The following DNM3 variants were observed in gnomAD, a reference collection of about 807,000 sequenced individuals.
The protein encoded by DNM3 is dynamin-3.
In DNM3, 47 loss-of-function variants were observed where a neutral mutation model predicts 101.6. That is an observed-to-expected ratio of 0.46 (90% CI 0.37 to 0.59). The LOEUF is 0.59. DNM3 is among the 20% of genes least tolerant of loss of function. The probability of loss-of-function intolerance (pLI) is 0.00; values close to 1 mark genes in which losing one functional copy is unlikely to be tolerated. For synonymous variants in DNM3, 385 were observed against 387.9 expected, an observed-to-expected ratio of 0.99 and a Z score of 0.09; for missense variants, 849 against 1,085.7, an observed-to-expected ratio of 0.78 and a Z score of 3.06.
chr1:171,960,095 G>A (rs1048178709), intron 2 of DNM3, among the ~76,000 whole-genome samples: 5 of 152,128 alleles, frequency 3.3e-5, no homozygotes, highest in African/African-American at 1.2e-4. Flanking sequence ...ATTAGGATGG[G>A]TTCAAATCCA....
At chr1:172,215,804 G>A (rs1406185944) in intron 14 of DNM3, among the ~76,000 whole-genome samples, 1 of 151,952 alleles carries the variant, frequency 6.6e-6, no homozygotes, top group East Asian at 1.9e-4. Flanking sequence ...CAGAAACCTA[G>A]CTGTTGAACC....
intron 12 of DNM3, among the ~76,000 whole-genome samples, chr1:172,090,276 C>T (rs527350972): frequency 6.6e-6 from 1 of 152,060 alleles, no homozygotes. Flanking sequence ...CTCATGCATT[C>T]CTGGAAGAGC....
intron 14 of DNM3, among the ~76,000 whole-genome samples, chr1:172,141,973 G>C (rs1383761488): frequency 1.3e-5 from 2 of 152,078 alleles, no homozygotes; most frequent in Non-Finnish European, 2.9e-5. Flanking sequence ...CTTTCTCTTA[G>C]ATGGTGGAAA....
intron 4 of DNM3, among the ~76,000 whole-genome samples, chr1:172,007,315 T>G (rs546119290): frequency 6.6e-6 from 1 of 152,226 alleles, no homozygotes; most frequent in Non-Finnish European, 1.5e-5. Flanking sequence ...CTTGTTAGTT[T>G]TATTTTCATT....
chr1:171,860,681 C>T (rs538627240), intron 1 of DNM3, among the ~76,000 whole-genome samples: 1 of 151,860 alleles, frequency 6.6e-6, no homozygotes, highest in South Asian at 2.1e-4. Context: ...GAATCTTTTG[C>T]AGTTGTCTAG....
Position 172,411,421 on chromosome 1 carries a change from C to CTA in DNM3, c.*3581_*3582insAT. On this transcript the variant is annotated 3_prime_UTR_variant, in exon 21 of 21. Transcript: ENST00000627582. ...AATATTTTTCGGTAAGAAGTAAAAC[C>CTA]TCTGGAGACCTATCTTTAAGATCTC... is the stretch of plus-strand genomic sequence containing the variant. 1.0e-6 allele frequency: 1 copy of CTA among 984,684 alleles called. No homozygotes were observed. The highest frequency in any genetic ancestry group is 1.2e-6 in the Non-Finnish European group (1 of 829,580). 61.0% of individuals were successfully genotyped at this position (984,684 alleles called of 1,614,324 possible).
chr1:171,979,362 G>A (rs560379745), intron 2 of DNM3, among the ~76,000 whole-genome samples: 3 of 152,160 alleles, frequency 2.0e-5, no homozygotes, highest in Non-Finnish European at 4.4e-5. Context: ...GAAAGGAAAT[G>A]AGTATATTGA....
At chr1:171,990,958 C>T (rs541914191) in intron 4 of DNM3, among the ~76,000 whole-genome samples, 35 of 152,220 alleles carry the variant, frequency 2.3e-4, no homozygotes, top group African/African-American at 7.9e-4. Context: ...CTGAACCATT[C>T]CTGTCTTACA....
intron 12 of DNM3, among the ~76,000 whole-genome samples, chr1:172,086,316 G>A (rs1008677398): frequency 6.6e-6 from 1 of 152,156 alleles, no homozygotes; most frequent in Non-Finnish European, 1.5e-5. Flanking sequence ...TGATTGGACG[G>A]AGCCTGGACT....
chr1:172,196,089 CTT>C (rs775068694), intron 14 of DNM3, among the ~76,000 whole-genome samples: 28 of 151,648 alleles, frequency 1.8e-4, no homozygotes, highest in Non-Finnish European at 3.7e-4. Context: ...CCCAGTGTCT[CTT>C]GTTTCAGTCT....
chr1:172,150,495 GT>G (rs577334650), intron 14 of DNM3, among the ~76,000 whole-genome samples: 18 of 152,260 alleles, frequency 1.2e-4, no homozygotes, highest in Admixed American at 5.2e-4. Flanking sequence ...TTAGAGGTTT[GT>G]TTTGTTTAGT....
chr1:171,951,536 T>A (rs1026279849), intron 2 of DNM3, among the ~76,000 whole-genome samples: 1 of 152,230 alleles, frequency 6.6e-6, no homozygotes, highest in Admixed American at 6.5e-5. Context: ...TAGTGGTCAA[T>A]GAGCATCTTG....
intron 11 of DNM3, among the ~76,000 whole-genome samples, chr1:172,074,489 C>G (rs1022287056): frequency 6.6e-6 from 1 of 151,986 alleles, no homozygotes; most frequent in Non-Finnish European, 1.5e-5. Flanking sequence ...ACAACAGGCC[C>G]TGGTGTGTGA....
intron 2 of DNM3, among the ~76,000 whole-genome samples, chr1:171,980,045 C>G (rs945147223): frequency 6.6e-6 from 1 of 152,092 alleles, no homozygotes; most frequent in Non-Finnish European, 1.5e-5. Context: ...TGGCACCCTC[C>G]ACTTACTCCC....
intron 1 of DNM3, among the ~76,000 whole-genome samples, chr1:171,907,912 A>G (rs1460390142): frequency 6.6e-6 from 1 of 152,234 alleles, no homozygotes; most frequent in African/African-American, 2.4e-5. Flanking sequence ...GAATATATCT[A>G]AAACACCAAA....
intron 14 of DNM3, among the ~76,000 whole-genome samples, chr1:172,200,585 G>C (rs2060118039): frequency 6.6e-6 from 1 of 152,072 alleles, no homozygotes; most frequent in Non-Finnish European, 1.5e-5. Flanking sequence ...CATATTTCTT[G>C]GAGGTTTTGT....
At chr1:172,130,427 T>C (rs781335549) in intron 13 of DNM3, among the ~76,000 whole-genome samples, 144 of 151,902 alleles carry the variant, frequency 9.5e-4, no homozygotes, top group Non-Finnish European at 1.0e-3. Context: ...AATACTTATC[T>C]ATAAATAATT....
chr1:172,013,533 G>A (rs138985869), intron 4 of DNM3, among the ~76,000 whole-genome samples: 383 of 152,106 alleles, frequency 2.5e-3, no homozygotes, highest in African/African-American at 8.5e-3. Context: ...AGGGAAAATC[G>A]AAATATAAGC....
chr1:172,072,901 A>C (rs149546660), intron 11 of DNM3, among the ~76,000 whole-genome samples: 109 of 152,246 alleles, frequency 7.2e-4, no homozygotes, highest in African/African-American at 2.5e-3. Context: ...ACAACAACAA[A>C]AAAAAGAGTT....
Sources: allele counts gnomAD v4.1 joint callset (sites outside exome capture counted in the v4.1 genomes callset), GRCh38; gene constraint gnomAD v4.1.1; transcripts MANE v1.5; gene names NCBI Gene and HGNC (gene_info 2026-07-23, HGNC 2026-07-21).